The following LRFN5 variants were observed in gnomAD, a reference collection of about 807,000 sequenced individuals.
LRFN5 encodes leucine rich repeat and fibronectin type III domain containing 5, also known as leucine-rich repeat and fibronectin type-III domain-containing protein 5.
Under a neutral mutation model 45.6 loss-of-function variants are expected in LRFN5, and 24 were observed. The ratio of observed to expected loss-of-function variants is 0.53; its 90% confidence interval spans 0.38 to 0.74. The LOEUF is 0.74. Among genes scored for constraint, LRFN5 ranks in the 30% least tolerant of loss-of-function variants. The pLI, the probability that LRFN5 is intolerant of heterozygous loss-of-function variation, is 0.00. For missense variants in LRFN5, 776 were observed against 861.5 expected (o/e 0.90, Z 1.24); for synonymous variants, 340 against 313.8 (o/e 1.08, Z -0.88).
At chr14:41,816,765 A>C (rs1465231650) in intron 2 of LRFN5, among the ~76,000 whole-genome samples, 1 of 151,928 alleles carries the variant, frequency 6.6e-6, no homozygotes, top group Non-Finnish European at 1.5e-5. Flanking sequence ...TGACATATGT[A>C]CTGCTTGGTT....
At chr14:41,890,513 C>A (rs1423513905) in intron 3 of LRFN5, among the ~76,000 whole-genome samples, 1 of 151,540 alleles carries the variant, frequency 6.6e-6, no homozygotes, top group East Asian at 2.0e-4. Context: ...CGAGACCATC[C>A]TGGCTAACAC....
intron 2 of LRFN5, among the ~76,000 whole-genome samples, chr14:41,786,001 G>A (rs1344874325): frequency 1.3e-5 from 2 of 151,542 alleles, no homozygotes; most frequent in African/African-American, 4.8e-5. Flanking sequence ...CCACTGACTG[G>A]CATTGTTCCC....
At chr14:41,879,703 A>G (rs1274198934) in intron 2 of LRFN5, among the ~76,000 whole-genome samples, 1 of 151,320 alleles carries the variant, frequency 6.6e-6, no homozygotes, top group African/African-American at 2.4e-5. Flanking sequence ...CAAATGTGAT[A>G]TTGTTTATAT....
chr14:41,692,557 C>T (rs192736966), intron 1 of LRFN5, among the ~76,000 whole-genome samples: 1 of 151,916 alleles, frequency 6.6e-6, no homozygotes, highest in Non-Finnish European at 1.5e-5. Context: ...TAATGCTATC[C>T]CTCCTAACTT....
At chr14:41,712,083 C>T (rs1748857979) in intron 1 of LRFN5, among the ~76,000 whole-genome samples, 1 of 152,012 alleles carries the variant, frequency 6.6e-6, no homozygotes, top group African/African-American at 2.4e-5. Flanking sequence ...AGAAATGATA[C>T]AACAAGAAGT....
At chr14:41,816,998 G>GTTTTT (rs200326943) in intron 2 of LRFN5, among the ~76,000 whole-genome samples, 1 of 129,996 alleles carries the variant, frequency 7.7e-6, no homozygotes, top group African/African-American at 2.9e-5. Context: ...AATGTGGGAA[G>GTTTTT]TTTTTTTTTT....
chr14:41,669,973 TA>T (rs1171209197), intron 1 of LRFN5, among the ~76,000 whole-genome samples: 3 of 134,586 alleles, frequency 2.2e-5, no homozygotes, highest in African/African-American at 6.0e-5. Flanking sequence ...AAAAAATAGT[TA>T]AAAATATAGT....
At chr14:41,775,645 A>T (rs1411408219) in intron 2 of LRFN5, among the ~76,000 whole-genome samples, 2 of 152,194 alleles carry the variant, frequency 1.3e-5, no homozygotes, top group African/African-American at 4.8e-5. Flanking sequence ...TTATTTCAAT[A>T]CCTACTGCAG....
At chr14:41,625,600 A>G (rs2138567948) in intron 1 of LRFN5, among the ~76,000 whole-genome samples, 1 of 152,306 alleles carries the variant, frequency 6.6e-6, no homozygotes, top group African/African-American at 2.4e-5. Context: ...CCTTAGATAT[A>G]GTTGAACAGG....
intron 1 of LRFN5, among the ~76,000 whole-genome samples, chr14:41,687,006 A>G (rs1451945539): frequency 2.0e-5 from 3 of 152,140 alleles, no homozygotes; most frequent in Non-Finnish European, 2.9e-5. Flanking sequence ...CTCCTTTCCA[A>G]TTGTTTGGAA....
chr14:41,789,679 C>T (rs973693302), intron 2 of LRFN5, among the ~76,000 whole-genome samples: 8 of 152,008 alleles, frequency 5.3e-5, no homozygotes, highest in African/African-American at 1.7e-4. Context: ...ACTTCTATTT[C>T]ACTATAGAGT....
At chr14:41,643,212 G>A (rs1879659750) in intron 1 of LRFN5, among the ~76,000 whole-genome samples, 1 of 152,108 alleles carries the variant, frequency 6.6e-6, no homozygotes, top group African/African-American at 2.4e-5. Context: ...AGAGAAAAAG[G>A]TATAAATAGG....
chr14:41,865,399 A>G (rs1283100741), intron 2 of LRFN5, among the ~76,000 whole-genome samples: 1 of 152,184 alleles, frequency 6.6e-6, no homozygotes, highest in Admixed American at 6.5e-5. Flanking sequence ...GTATATCAGT[A>G]CTGCATTATT....
At chr14:41,802,821 G>A (rs756878032) in intron 2 of LRFN5, among the ~76,000 whole-genome samples, 10 of 152,106 alleles carry the variant, frequency 6.6e-5, no homozygotes, top group African/African-American at 9.7e-5. Flanking sequence ...TAGGAAGTGG[G>A]AAGAATATAT....
chr14:41,900,411 G>C (rs1433032793), intron 5 of LRFN5, among the ~76,000 whole-genome samples: 1 of 151,828 alleles, frequency 6.6e-6, no homozygotes, highest in Admixed American at 6.6e-5. Context: ...GGAAGTCTTT[G>C]TACTAAGAGA....
Position 41,904,242 on chromosome 14 carries a change from A to G in LRFN5, c.*67A>G. 2.5e-6 allele frequency: 4 copies of G among 1,569,722 alleles called. No individual in the cohort carries two copies. In the East Asian group the frequency reaches 9.0e-5, roughly 35 times the overall value. On this transcript the variant is annotated 3_prime_UTR_variant, in exon 6 of 6. Transcript: ENST00000298119. ...TGATATTTTTACTGGATAAAATTCA[A>G]AAATGTTTCAATTCACAAAGGCTAA... is the stretch of plus-strand genomic sequence containing the variant.
intron 2 of LRFN5, among the ~76,000 whole-genome samples, chr14:41,835,479 A>G (rs1888629647): frequency 6.6e-6 from 1 of 152,212 alleles, no homozygotes; most frequent in African/African-American, 2.4e-5. Flanking sequence ...AGACCTCATA[A>G]CTTCCAGTAG....
At chr14:41,811,403 C>CA (rs1887731085) in intron 2 of LRFN5, among the ~76,000 whole-genome samples, 1 of 152,046 alleles carries the variant, frequency 6.6e-6, no homozygotes. Flanking sequence ...TATGACCCAG[C>CA]AATCCTTGCC....
At chr14:41,762,796 T>C (rs1885724858) in intron 1 of LRFN5, among the ~76,000 whole-genome samples, 2 of 152,112 alleles carry the variant, frequency 1.3e-5, no homozygotes, top group Admixed American at 1.3e-4. Context: ...TAAAACCATA[T>C]GATTCAATTA....
Sources: allele counts gnomAD v4.1 joint callset (sites outside exome capture counted in the v4.1 genomes callset), GRCh38; gene constraint gnomAD v4.1.1; transcripts MANE v1.5; gene names NCBI Gene and HGNC (gene_info 2026-07-23, HGNC 2026-07-21).